CACNG3: variants seen among roughly 807,000 people sequenced by gnomAD.
The protein encoded by CACNG3 is voltage-dependent calcium channel gamma-3 subunit.
Under a neutral mutation model 28.5 loss-of-function variants are expected in CACNG3, and 3 were observed. The observed-to-expected ratio is 0.11, with a 90% CI of 0.05 to 0.27. The LOEUF is 0.27. CACNG3 is among the 10% of genes least tolerant of loss of function. CACNG3 has a pLI of 1.00. For synonymous variants in CACNG3, 174 were observed against 162.2 expected (o/e 1.07, Z -0.55); for missense variants, 236 against 414.4 (o/e 0.57, Z 3.74).
At chr16:24,262,348 G>A (rs1310889283) in intron 1 of CACNG3, among the ~76,000 whole-genome samples, 2 of 152,360 alleles carry the variant, frequency 1.3e-5, no homozygotes, top group East Asian at 1.9e-4. Context: ...GAGTGACCCT[G>A]ACTGCGTTTG....
chr16:24,358,781 C>T (rs1900068873), intron 3 of CACNG3, among the ~76,000 whole-genome samples: 1 of 152,204 alleles, frequency 6.6e-6, no homozygotes, highest in African/African-American at 2.4e-5. Context: ...TAGGTTGATG[C>T]AAAAATAATT....
At chr16:24,267,982 C>T (rs1002620958) in intron 1 of CACNG3, among the ~76,000 whole-genome samples, 43 of 152,160 alleles carry the variant, frequency 2.8e-4, no homozygotes, top group Admixed American at 1.3e-3. Flanking sequence ...CATATCTGGG[C>T]CAGCCCCTGA....
At chr16:24,346,947 T>G (rs1002485686) in intron 2 of CACNG3, 130 bp downstream of exon 2, 4 of 680,166 alleles carry the variant, frequency 5.9e-6, no homozygotes, top group Non-Finnish European at 1.0e-5. Context: ...AAGCCCCATG[T>G]GCCAGTACAC....
chr16:24,351,370 G>A (rs754818985), intron 2 of CACNG3, among the ~76,000 whole-genome samples: 1 of 151,880 alleles, frequency 6.6e-6, no homozygotes, highest in Non-Finnish European at 1.5e-5. Flanking sequence ...TCAGGAGTTC[G>A]AGACCAACCA....
chr16:24,347,411 C>T (rs1899884638), intron 2 of CACNG3, among the ~76,000 whole-genome samples: 1 of 152,068 alleles, frequency 6.6e-6, no homozygotes, highest in African/African-American at 2.4e-5. Context: ...GGAAGGAAGA[C>T]AGAAAAGTAG....
intron 1 of CACNG3, among the ~76,000 whole-genome samples, chr16:24,345,607 G>A (rs1333466564): frequency 6.6e-6 from 1 of 152,212 alleles, no homozygotes; most frequent in East Asian, 1.9e-4. Flanking sequence ...GGCTGAGGCA[G>A]GATAATCTCT....
intron 1 of CACNG3, chr16:24,333,681 A>G (rs1277840267): frequency 6.6e-6 from 1 of 152,272 alleles, no homozygotes; most frequent in Non-Finnish European, 1.5e-5. Context: ...ACAAAAAAAA[A>G]TAATTTAAAA....
At chr16:24,265,923 G>A (rs1244234324) in intron 1 of CACNG3, among the ~76,000 whole-genome samples, 1 of 152,190 alleles carries the variant, frequency 6.6e-6, no homozygotes, top group South Asian at 2.1e-4. Context: ...TCTCACTGTA[G>A]AGACATGTAG....
chr16:24,292,870 C>G (rs1042008913), intron 1 of CACNG3, among the ~76,000 whole-genome samples: 1 of 152,142 alleles, frequency 6.6e-6, no homozygotes, highest in African/African-American at 2.4e-5. Context: ...CTAAACTCCC[C>G]CAGATAGAAT....
At chr16:24,294,179 C>T (rs1359701766) in intron 1 of CACNG3, among the ~76,000 whole-genome samples, 1 of 152,202 alleles carries the variant, frequency 6.6e-6, no homozygotes, top group Non-Finnish European at 1.5e-5. Context: ...CTTCCTTTTG[C>T]TTATCTGCAA....
chr16:24,284,888 C>T (rs1326058522), intron 1 of CACNG3, among the ~76,000 whole-genome samples: 1 of 150,978 alleles, frequency 6.6e-6, no homozygotes, highest in African/African-American at 2.4e-5. Flanking sequence ...CTCAGCAAGT[C>T]ATTGATAAAA....
chr16:24,332,843 G>T (rs576361700), intron 1 of CACNG3, among the ~76,000 whole-genome samples: 5 of 152,132 alleles, frequency 3.3e-5, no homozygotes, highest in African/African-American at 1.2e-4. Flanking sequence ...CGCGGTTTTT[G>T]TCTGACAGCC....
chr16:24,325,239 C>A (rs1899525581), intron 1 of CACNG3, among the ~76,000 whole-genome samples: 1 of 152,164 alleles, frequency 6.6e-6, no homozygotes, highest in South Asian at 2.1e-4. Context: ...TGTCTAAATT[C>A]TGGGGGACAG....
intron 2 of CACNG3, among the ~76,000 whole-genome samples, chr16:24,351,704 GAA>G (rs1899947476): frequency 1.5e-5 from 2 of 132,430 alleles, no homozygotes; most frequent in South Asian, 2.8e-4. Context: ...GAAAGAGAAA[GAA>G]AGAAAGAAAG....
intron 2 of CACNG3, among the ~76,000 whole-genome samples, chr16:24,347,456 T>G (rs1899885307): frequency 6.6e-6 from 1 of 152,148 alleles, no homozygotes; most frequent in South Asian, 2.1e-4. Context: ...TTTAGTCAGT[T>G]TAGGAGAAAA....
At chr16:24,266,181 G>C (rs1052283654) in intron 1 of CACNG3, among the ~76,000 whole-genome samples, 3 of 152,132 alleles carry the variant, frequency 2.0e-5, no homozygotes, top group Non-Finnish European at 4.4e-5. Flanking sequence ...AGAAATCCTT[G>C]GGAGCCAGTG....
intron 2 of CACNG3, among the ~76,000 whole-genome samples, chr16:24,353,112 A>G (rs542745246): frequency 2.0e-5 from 3 of 152,144 alleles, no homozygotes; most frequent in Non-Finnish European, 4.4e-5. Flanking sequence ...AGTAGCTGAG[A>G]TTACAGGTGC....
chr16:24,340,886 C>T (rs915084706), intron 1 of CACNG3, among the ~76,000 whole-genome samples: 5 of 152,186 alleles, frequency 3.3e-5, no homozygotes, highest in Admixed American at 6.6e-5. Flanking sequence ...CCACCGGATC[C>T]GTCACCCAGA....
chr16:24,314,733 G>GCCTCTTCCT (rs1555460381), intron 1 of CACNG3, among the ~76,000 whole-genome samples: 1 of 119,014 alleles, frequency 8.4e-6, no homozygotes, highest in East Asian at 2.5e-4. Context: ...TAGGACTCTC[G>GCCTCTTCCT]CCTCCTCCTC....
Sources: allele counts gnomAD v4.1 joint callset (sites outside exome capture counted in the v4.1 genomes callset), GRCh38; gene constraint gnomAD v4.1.1; transcripts MANE v1.5; gene names NCBI Gene and HGNC (gene_info 2026-07-23, HGNC 2026-07-21).